Variants in TCF7 observed in about 807,000 individuals in gnomAD.
TCF7 encodes the protein T-cell-factor-7.
A neutral mutation model predicts 46.8 loss-of-function variants in TCF7; 19 were observed. The observed-to-expected ratio is 0.41, with a 90% CI of 0.28 to 0.60. The LOEUF is 0.60. Ranked by LOEUF, TCF7 falls within the 20% of genes least tolerant of loss-of-function variation. The pLI is 0.35. For synonymous variants in TCF7, 245 were observed against 213.4 expected (o/e 1.15, Z -1.29); for missense variants, 547 against 504.6 (o/e 1.08, Z -0.81).
At chr5:134,128,811 A>T (rs73790167) in intron 3 of TCF7, among the ~76,000 whole-genome samples, 15,753 of 151,924 alleles carry the variant, frequency 0.1, 1,019 homozygotes, top group African/African-American at 0.17. Context: ...CTCCTCACAC[A>T]TGGGGCCAGG....
chr5:134,142,260 G>GC lies in TCF7; in HGVS notation c.717dup (p.Ser240LeufsTer55). ...CAGCCATCCCCCACCCGGCCATTGT[G>GC]CCCCCCTCAGGGAAGCAGGAGCTGC... is the stretch of plus-strand genomic sequence containing the variant. On this transcript the variant is annotated frameshift_variant, in exon 6 of 10. Transcript: ENST00000342854. LOFTEE classifies it high-confidence loss of function. The GC allele has an allele frequency of 6.2e-7, 1 of 1,607,260 alleles. No individual in the cohort carries two copies. The highest frequency in any genetic ancestry group is 8.5e-7 in the Non-Finnish European group (1 of 1,175,206).
chr5:134,144,969 G>A, intron 9 of TCF7: 3 of 1,044,392 alleles, frequency 2.9e-6, no homozygotes, highest in South Asian at 2.6e-5. Flanking sequence ...TGGCCCCTCA[G>A]CCCACTAGCA....
chr5:134,146,259 A>G lies in TCF7; in HGVS notation c.1111A>G (p.Lys371Glu). The change falls in exon 10 of 10, where the codon AAG becomes GAG. Residue 371 changes from lysine (K) to glutamate (E), a missense_variant. Coordinates refer to ENST00000342854, the MANE Select transcript of TCF7 (RefSeq NM_003202.5). ...AAATGCATTCGGTACTTACCCGGAGAAGGCCGCTGCCCCAGCCCCGTTCCT... is the reference window on the plus strand; with the variant it reads ...AAATGCATTCGGTACTTACCCGGAGGAGGCCGCTGCCCCAGCCCCGTTCCT... The part of the protein sequence containing the change: ...KRNAFGTYPE[K>E]AAAPAPFLPM... The G allele has an allele frequency of 1.2e-6, 2 of 1,614,166 alleles. No individual in the cohort carries two copies. Among genetic ancestry groups the G allele is most frequent in the Non-Finnish European group, 1.7e-6 (2 of 1,180,014 alleles).
At chr5:134,138,867 T>TG in intron 4 of TCF7, 84 bp from the exon 5 acceptor site, 1 of 1,574,046 alleles carries the variant, frequency 6.4e-7, no homozygotes, top group Non-Finnish European at 8.6e-7. Flanking sequence ...TTAAGGCCCC[T>TG]GTAGGAGGTT....
At chr5:134,123,603 C>T in intron 3 of TCF7, 1 of 440,644 alleles carries the variant, frequency 2.3e-6, no homozygotes, top group Admixed American at 2.4e-5. Context: ...TGGCATGCTC[C>T]ATCAGCAGAG....
chr5:134,142,052 C>A, intron 5 of TCF7, 133 bp from the exon 6 acceptor site: 1 of 1,284,594 alleles, frequency 7.8e-7, no homozygotes, highest in Non-Finnish European at 1.1e-6. Flanking sequence ...GTACTTATGT[C>A]TAGGCCAGTA....
intron 3 of TCF7, among the ~76,000 whole-genome samples, chr5:134,131,919 G>A (rs1169607704): frequency 6.6e-6 from 1 of 152,238 alleles, no homozygotes; most frequent in Non-Finnish European, 1.5e-5. Flanking sequence ...ACATGGCTGG[G>A]GCCTTGGGGT....
rs1440945896 is a variant in TCF7, at chr5:134,142,879, G to T, written c.914G>T (p.Arg305Leu). 1 of 1,613,518 alleles carries T rather than the reference G, an allele frequency of 6.2e-7. No homozygotes were observed. The highest frequency in any genetic ancestry group is 8.5e-7 in the Non-Finnish European group (1 of 1,179,644). The part of the protein sequence containing the change: ...ESAAINQILG[R>L]RWHALSREEQ... Reference sequence around the variant, plus strand: ...GCTGCCATCAACCAGATCCTGGGCCGCAGGGTGAGACCATGGGCAGGTGGG... The same window carrying T: ...GCTGCCATCAACCAGATCCTGGGCCTCAGGGTGAGACCATGGGCAGGTGGG... The change falls in exon 7 of 10, where the codon CGC (arginine) becomes CTC (leucine). Residue 305 changes from arginine to leucine, a missense_variant. Arg to Leu is a moderately radical substitution (Grantham distance 102). This residue lies in a region of TCF7 where 32 missense variants were observed against 65.9 expected (regional missense o/e 0.49). Coordinates refer to ENST00000342854, the MANE Select transcript of TCF7 (RefSeq NM_003202.5).
At chr5:134,127,806 A>G (rs1757537241) in intron 3 of TCF7, among the ~76,000 whole-genome samples, 1 of 152,222 alleles carries the variant, frequency 6.6e-6, no homozygotes, top group Non-Finnish European at 1.5e-5. Flanking sequence ...AGTGGTCCAG[A>G]GGAAATCAAG....
chr5:134,130,219 T>C (rs778969176), intron 3 of TCF7, among the ~76,000 whole-genome samples: 2 of 152,238 alleles, frequency 1.3e-5, no homozygotes, highest in African/African-American at 2.4e-5. Flanking sequence ...AATCGAGGCC[T>C]GGTCCATATT....
At chr5:134,144,498 G>A (rs1327409210) in intron 9 of TCF7, 2 of 400,980 alleles carry the variant, frequency 5.0e-6, no homozygotes, top group Non-Finnish European at 9.2e-6. Context: ...CAGCCTCCAT[G>A]CTGCAAGGGC....
intron 9 of TCF7, chr5:134,145,701 C>A (rs371464563): frequency 6.2e-7 from 1 of 1,610,016 alleles, no homozygotes; most frequent in Non-Finnish European, 8.5e-7. Context: ...GGGAAACAAC[C>A]CTGTCTTCAG....
Position 134,114,991 on chromosome 5 carries a change from GA to G in TCF7, c.87del (p.Gly30AlafsTer27), listed in dbSNP as rs1376754259. 5 of 1,235,130 alleles carry G rather than the reference GA, an allele frequency of 4.0e-6. No individual in the cohort carries two copies. The highest frequency in any genetic ancestry group is 5.1e-5 in the East Asian group (1 of 19,674). 76.5% of individuals were successfully genotyped at this position (1,235,130 alleles called of 1,614,324 possible). A position where few individuals can be genotyped will look rare whatever the true frequency, so the allele number is the denominator to read the frequency against. On this transcript the variant is annotated frameshift_variant, in exon 1 of 10. Transcript: ENST00000342854. LOFTEE classifies it high-confidence loss of function. ...GGACGAGCTGCTGGCCTTCCAGGATGAAGGCGAGGAGCAGGACGACAAGAGC... is the reference window on the plus strand; with the variant it reads ...GGACGAGCTGCTGGCCTTCCAGGATGAGGCGAGGAGCAGGACGACAAGAGC... ...APDELLAFQD[E>X]GEEQDDKSRD... is the part of the protein sequence containing the mutation.
Position 134,116,029 on chromosome 5 carries a change from C to T in TCF7, c.437C>T (p.Pro146Leu). Residue 146 changes from proline to leucine, a missense_variant, in exon 3 of 10, where the codon CCG becomes CTG. Pro to Leu is a moderately conservative substitution (Grantham distance 98). Coordinates refer to ENST00000342854, the MANE Select transcript of TCF7 (RefSeq NM_003202.5). ...GAGQHPQPQPPLHKANQPPHG... is the reference protein window; with the variant it reads ...GAGQHPQPQPLLHKANQPPHG... ...GGGCAGCACCCCCAGCCGCAGCCCC[C>T]GCTGGTAAGTGGACCCCGCAGCCAG... 1 of 1,611,770 alleles carries T rather than the reference C, an allele frequency of 6.2e-7. No homozygotes were observed. Among genetic ancestry groups the T allele is most frequent in the Non-Finnish European group, 8.5e-7 (1 of 1,179,162 alleles).
In TCF7 at chr5:134,138,095, C is replaced by A; in HGVS notation, c.478C>A (p.Leu160Ile). 2 of 1,611,548 alleles carry A rather than the reference C, an allele frequency of 1.2e-6. No homozygotes were observed. Among genetic ancestry groups the A allele is most frequent in the Non-Finnish European group, 1.7e-6 (2 of 1,178,826 alleles). Residue 160 changes from leucine to isoleucine, a missense_variant, in exon 4 of 10, where the codon CTC becomes ATC. Leu to Ile is a conservative substitution (Grantham distance 5). Around this residue, in one of 3 missense-constraint regions of TCF7, gnomAD observed 425 missense variants for 349.9 expected, o/e 1.21. Transcript: ENST00000342854. ...TCAGCCCCCCCACGGTGTCCCCCAA[C>A]TCTCTCTCTACGAACATTTCAACAG... ...ANQPPHGVPQ[L>I]SLYEHFNSPH...
chr5:134,110,481 CAT>C (rs1755314198), upstream of TCF7, among the ~76,000 whole-genome samples: 1 of 152,236 alleles, frequency 6.6e-6, no homozygotes, highest in Non-Finnish European at 1.5e-5. Context: ...CATGCACACA[CAT>C]GGACACACAC....
chr5:134,135,770 T>C (rs778153278), intron 3 of TCF7, among the ~76,000 whole-genome samples: 6 of 152,082 alleles, frequency 3.9e-5, no homozygotes, highest in Admixed American at 6.5e-5. Flanking sequence ...TGTGGAGTCA[T>C]CACATGAAGA....
intron 3 of TCF7, among the ~76,000 whole-genome samples, chr5:134,123,432 C>T (rs529462634): frequency 7.9e-5 from 12 of 152,324 alleles, no homozygotes; most frequent in South Asian, 6.2e-4. Flanking sequence ...GCCTCTAAGT[C>T]GGCTCTGAGA....
At chr5:134,134,883 G>T (rs939785511) in intron 3 of TCF7, among the ~76,000 whole-genome samples, 2 of 152,242 alleles carry the variant, frequency 1.3e-5, no homozygotes, top group African/African-American at 2.4e-5. Context: ...CCCATGGGAA[G>T]CCCCAGGCAT....
Sources: gnomAD v4.1 joint callset for allele counts (sites outside exome capture counted in the v4.1 genomes callset) on GRCh38, gnomAD v4.1.1 for gene constraint, gnomAD v4.1.1 regional missense constraint, MANE v1.5 for transcripts, NCBI Gene and HGNC (gene_info 2026-07-23, HGNC 2026-07-21) for gene names.